The following MVB12B variants were observed in gnomAD, a reference collection of about 807,000 sequenced individuals.
MVB12B encodes the protein multivesicular body subunit 12B.
Under a neutral mutation model 41.6 loss-of-function variants are expected in MVB12B, and 16 were observed. The ratio of observed to expected loss-of-function variants is 0.38; its 90% CI spans 0.26 to 0.58. MVB12B has a LOEUF of 0.58. MVB12B is among the 20% of genes least tolerant of loss of function. The probability of loss-of-function intolerance (pLI) is 0.62; values close to 1 mark genes in which losing one functional copy is unlikely to be tolerated. For synonymous variants in MVB12B, 133 were observed against 139.7 expected (o/e 0.95, Z 0.34); for missense variants, 274 against 380.2 (o/e 0.72, Z 2.32).
chr9:126,383,323 C>T (rs1009951740), intron 3 of MVB12B, among the ~76,000 whole-genome samples: 3 of 152,124 alleles, frequency 2.0e-5, no homozygotes, highest in African/African-American at 7.2e-5. Flanking sequence ...ATTCCTTTCC[C>T]CCAATAATGC....
chr9:126,441,800 T>C (rs1477389976), intron 7 of MVB12B, among the ~76,000 whole-genome samples: 1 of 152,240 alleles, frequency 6.6e-6, no homozygotes, highest in Non-Finnish European at 1.5e-5. Context: ...TAGATGTAAT[T>C]TGCATATGCA....
chr9:126,328,261 A>G (rs1331824791), intron 1 of MVB12B, among the ~76,000 whole-genome samples: 1 of 151,926 alleles, frequency 6.6e-6, no homozygotes, highest in Non-Finnish European at 1.5e-5. Flanking sequence ...TCTGCTTGGG[A>G]CCCGGGCTCC....
At chr9:126,495,978 G>A (rs1833819410) in intron 9 of MVB12B, among the ~76,000 whole-genome samples, 1 of 152,024 alleles carries the variant, frequency 6.6e-6, no homozygotes, top group South Asian at 2.1e-4. Flanking sequence ...TGACATGCAT[G>A]AGTTACTGTA....
chr9:126,499,232 GTGGCAGGGTCCCCGGGACCCC>G (rs1286060673), intron 9 of MVB12B, among the ~76,000 whole-genome samples: 1 of 152,108 alleles, frequency 6.6e-6, no homozygotes, highest in Admixed American at 6.5e-5. Flanking sequence ...GCTTCCATCA[GTGGCAGGGTCCCCGGGACCCC>G]TGGCAGAGCC....
chr9:126,416,636 G>C (rs771893572), intron 6 of MVB12B, among the ~76,000 whole-genome samples: 1 of 152,118 alleles, frequency 6.6e-6, no homozygotes, highest in Non-Finnish European at 1.5e-5. Flanking sequence ...CTAACATAGC[G>C]ATAACCACCT....
intron 6 of MVB12B, among the ~76,000 whole-genome samples, chr9:126,400,024 G>A (rs760395786): frequency 5.3e-5 from 8 of 152,300 alleles, no homozygotes; most frequent in Admixed American, 3.9e-4. Context: ...GGGTCGGAGC[G>A]TGGGTGTGTG....
At chr9:126,451,733 T>G (rs1832892152) in intron 7 of MVB12B, among the ~76,000 whole-genome samples, 1 of 152,066 alleles carries the variant, frequency 6.6e-6, no homozygotes, top group African/African-American at 2.4e-5. Context: ...CCTGGGTGGG[T>G]GCCCGGGACT....
chr9:126,393,865 C>T (rs915290314), intron 5 of MVB12B, among the ~76,000 whole-genome samples: 3 of 152,242 alleles, frequency 2.0e-5, no homozygotes, highest in African/African-American at 7.2e-5. Context: ...CCTCCTGGCT[C>T]AGGCCTGTAC....
intron 7 of MVB12B, among the ~76,000 whole-genome samples, chr9:126,451,053 C>T (rs1832878815): frequency 6.6e-6 from 1 of 152,160 alleles, no homozygotes; most frequent in African/African-American, 2.4e-5. Context: ...TGCTGGACAG[C>T]AAGGTCACGT....
rs1447341273 is a variant in MVB12B at position 126,408,633 on chromosome 9, C to T, written c.662+12936C>T. Among the ~76,000 whole-genome samples, 5 of 152,138 alleles carry T rather than the reference C, an allele frequency of 3.3e-5. No individual in the cohort carries two copies. The East Asian group carries it at 5.8e-4, about 18-fold the overall frequency. ...AGGATGTCCCTCCTTTTCGGCTTCTCGGTGGAGGCTGGAAGCAGAAAGGTC... is the reference window on the plus strand; with the variant it reads ...AGGATGTCCCTCCTTTTCGGCTTCTTGGTGGAGGCTGGAAGCAGAAAGGTC... On this transcript the variant is annotated intron_variant, in intron 6 of 9. Coordinates refer to ENST00000361171, the MANE Select transcript of MVB12B (RefSeq NM_033446.3).
At chr9:126,397,698 G>GT (rs1564309126) in intron 6 of MVB12B, 1 of 957,824 alleles carries the variant, frequency 1.0e-6, no homozygotes, top group Non-Finnish European at 1.2e-6. Context: ...ATCCATCAGG[G>GT]TTTTTTGGTT....
At chr9:126,428,206 C>T (rs1832234143) in intron 7 of MVB12B, among the ~76,000 whole-genome samples, 1 of 152,142 alleles carries the variant, frequency 6.6e-6, no homozygotes, top group Non-Finnish European at 1.5e-5. Flanking sequence ...AGTAGGAAAG[C>T]ACAAAGCAAT....
intron 1 of MVB12B, chr9:126,335,152 A>AC: frequency 9.9e-7 from 1 of 1,011,532 alleles, no homozygotes; most frequent in Non-Finnish European, 1.3e-6. Context: ...TTGCCCAACA[A>AC]CTTAGCAGCC....
rs1176542169 is a variant in MVB12B, at chr9:126,504,517, T to C, written c.*1254T>C. On this transcript the variant is annotated 3_prime_UTR_variant, in exon 10 of 10. Transcript: ENST00000361171. ...CACTACCTGCGTCCGTGGAAGCCTC[T>C]GCCTCAGCGGGGACGGCCTCCTGCT... is the stretch of plus-strand genomic sequence containing the variant. The C allele has an allele frequency of 6.6e-6, 1 of 152,566 alleles. No individual in the cohort carries two copies. Among genetic ancestry groups the C allele is most frequent in the African/African-American group, 2.4e-5 (1 of 41,488 alleles). The allele number at this position is 152,566 out of a possible 1,614,324, so 9.5% of individuals were successfully genotyped here. A position where few individuals can be genotyped will look rare whatever the true frequency, so the allele number is the denominator to read the frequency against.
chr9:126,411,997 C>T (rs895473584), intron 6 of MVB12B, among the ~76,000 whole-genome samples: 2 of 152,164 alleles, frequency 1.3e-5, no homozygotes, highest in African/African-American at 4.8e-5. Flanking sequence ...TAATTACCTT[C>T]CAGGGTGATC....
intron 7 of MVB12B, among the ~76,000 whole-genome samples, chr9:126,469,013 TACAAA>T (rs1283494238): frequency 6.6e-6 from 1 of 152,104 alleles, no homozygotes; most frequent in Non-Finnish European, 1.5e-5. Flanking sequence ...CACGAATACA[TACAAA>T]ACAAAATTCT....
At chr9:126,497,510 G>T (rs939809252) in intron 9 of MVB12B, among the ~76,000 whole-genome samples, 12 of 152,248 alleles carry the variant, frequency 7.9e-5, no homozygotes, top group Admixed American at 7.8e-4. Context: ...TGGCAAGGAG[G>T]TTCTGTCCTG....
intron 2 of MVB12B, among the ~76,000 whole-genome samples, chr9:126,358,375 G>T (rs890529879): frequency 6.6e-6 from 1 of 151,052 alleles, no homozygotes; most frequent in African/African-American, 2.4e-5. Flanking sequence ...GATTGGAGTT[G>T]TATTAAATGT....
intron 9 of MVB12B, among the ~76,000 whole-genome samples, chr9:126,490,612 T>C (rs1165189898): frequency 6.6e-6 from 1 of 152,220 alleles, no homozygotes; most frequent in Non-Finnish European, 1.5e-5. Context: ...TCCATTTTCA[T>C]TCGACTTTAA....
Sources: gnomAD v4.1 joint callset for allele counts (sites outside exome capture counted in the v4.1 genomes callset) on GRCh38, gnomAD v4.1.1 for gene constraint, MANE v1.5 for transcripts, NCBI Gene and HGNC (gene_info 2026-07-23, HGNC 2026-07-21) for gene names.